The following ERICH2 variants were observed in gnomAD, a reference collection of about 807,000 sequenced individuals.
ERICH2 encodes glutamate-rich protein 2.
ERICH2 carries 17 observed loss-of-function variants against 17.4 expected under a neutral mutation model. The observed-to-expected ratio is 0.98, with a 90% CI of 0.67 to 1.47. The LOEUF (loss-of-function observed/expected upper bound fraction) is 1.47. ERICH2 is among the 40% of genes most tolerant of loss of function. The pLI is 0.00. For synonymous variants in ERICH2, 51 were observed against 61.1 expected (o/e 0.83, Z 0.77); for missense variants, 186 against 183.2 (o/e 1.01, Z -0.09).
chr2:170,785,936 A>G (rs1156914493), intron 2 of ERICH2, among the ~76,000 whole-genome samples: 3 of 152,170 alleles, frequency 2.0e-5, no homozygotes, highest in Non-Finnish European at 4.4e-5. Context: ...TGTATGTTGT[A>G]TAATAGGACA....
chr2:170,773,368 T>TA, the ERICH2 span, among the ~76,000 whole-genome samples: 2 of 152,224 alleles, frequency 1.3e-5, no homozygotes, highest in African/African-American at 4.8e-5. Flanking sequence ...TTCTCACTGT[T>TA]ATAATCTTTG....
At position 170,789,747 on chromosome 2, in the gene ERICH2, CTTCTT is replaced by C. The variant is rs147661287; in HGVS notation, c.217-3108_217-3104del. Reference sequence around the variant, plus strand: ...CAATACAAGGGAAATTGATTCCATACTTCTTTTCTTTTTCTGAGGCTAGTATTAAT... The same window carrying C: ...CAATACAAGGGAAATTGATTCCATACTTCTTTTTCTGAGGCTAGTATTAAT... On this transcript the variant is annotated intron_variant, in intron 2 of 4. Transcript: ENST00000409885. Among the ~76,000 whole-genome samples the C allele has an allele frequency of 2.9e-4, 44 of 152,250 alleles. 1 individual carries two copies. In the East Asian group the frequency reaches 7.3e-3, roughly 25 times the overall value.
chr2:170,772,280 T>C, the ERICH2 span, among the ~76,000 whole-genome samples: 3,795 of 152,304 alleles, frequency 0.025, 154 homozygotes, highest in African/African-American at 0.087. Context: ...GCTTCATTTG[T>C]GACAGTTCAC....
At chr2:170,795,337 A>G (rs1002271022) in intron 3 of ERICH2, among the ~76,000 whole-genome samples, 2 of 149,746 alleles carry the variant, frequency 1.3e-5, no homozygotes, top group African/African-American at 4.9e-5. Context: ...TTTTTATAAA[A>G]ACACTGAAGT....
At chr2:170,798,556 CT>C (rs1462477876) in intron 4 of ERICH2, among the ~76,000 whole-genome samples, 1 of 152,070 alleles carries the variant, frequency 6.6e-6, no homozygotes, top group Non-Finnish European at 1.5e-5. Context: ...TTTTTATAGA[CT>C]TATGTTTTAA....
At chr2:170,774,564 C>CTTTTTTTTTTTTT in the ERICH2 span, among the ~76,000 whole-genome samples, 2 of 98,570 alleles carry the variant, frequency 2.0e-5, no homozygotes, top group African/African-American at 1.1e-4. Context: ...AGAGCCCCAT[C>CTTTTTTTTTTTTT]TTTTTTTTTT....
intron 3 of ERICH2, among the ~76,000 whole-genome samples, chr2:170,795,123 G>A (rs907983668): frequency 3.9e-5 from 6 of 152,006 alleles, no homozygotes; most frequent in African/African-American, 1.4e-4. Flanking sequence ...GGGACTACAG[G>A]TGTGTACCAC....
chr2:170,792,809 T>A, intron 2 of ERICH2, 54 bp from the exon 8 acceptor site: 1 of 1,129,686 alleles, frequency 8.9e-7, no homozygotes, highest in Non-Finnish European at 1.2e-6. Context: ...TTCTAGGGAG[T>A]TTAGAGTTGA....
At position 170,794,780 on chromosome 2, in the gene ERICH2, G is replaced by C. The variant is rs147583604; in HGVS notation, c.274+1860G>C. Among the ~76,000 whole-genome samples, 327 of 152,330 alleles carry C rather than the reference G, an allele frequency of 2.1e-3. 1 individual carries two copies. Among genetic ancestry groups the C allele is most frequent in the African/African-American group, 7.7e-3 (320 of 41,568 alleles). On this transcript the variant is annotated intron_variant, in intron 3 of 4. Transcript: ENST00000409885. ...TGAAAATGTAGCACAAGGATTGAGT[G>C]ACGGTCTGCCCTGGCTTGCCTCACA... is the stretch of plus-strand genomic sequence containing the variant.
the ERICH2 span, chr2:170,777,496 G>A: frequency 9.1e-7 from 1 of 1,096,536 alleles, no homozygotes; most frequent in Non-Finnish European, 1.2e-6. Flanking sequence ...AAGACTATTG[G>A]AATCTTGAGT....
Position 170,796,440 on chromosome 2 carries a change from G to GT in ERICH2, c.275-1588dup, listed in dbSNP as rs370083171. Among the ~76,000 whole-genome samples, 730 of 83,444 alleles carry GT rather than the reference G, an allele frequency of 8.7e-3. 20 individuals carry two copies. The highest frequency in any genetic ancestry group is 0.026 in the African/African-American group (697 of 26,998). The allele number at this position is 83,444 out of a possible 152,430, so 54.7% of individuals were successfully genotyped here. ...TCTCTCTCTCTTTGTTTTTTTTTTT[G>GT]TTTTTTTTTTTTTGAGACAGCGTCT... On this transcript the variant is annotated intron_variant, in intron 3 of 4. Transcript: ENST00000409885.
At chr2:170,786,483 G>T (rs538537627) in intron 2 of ERICH2, among the ~76,000 whole-genome samples, 3 of 151,976 alleles carry the variant, frequency 2.0e-5, no homozygotes, top group Admixed American at 6.5e-5. Flanking sequence ...CCTAGGTGTG[G>T]TTTTCCTCAT....
chr2:170,798,786 T>C, exon 5 of ERICH2: 5 of 1,550,588 alleles, frequency 3.2e-6, no homozygotes, highest in Non-Finnish European at 4.4e-6. Context: ...CTCAGAATCA[T>C]GAGCAAGACG....
intron 4 of ERICH2, 30 bp downstream of exon 9, chr2:170,798,142 C>G: frequency 7.3e-7 from 1 of 1,369,170 alleles, no homozygotes; most frequent in Non-Finnish European, 1.0e-6. Flanking sequence ...TTCCTTGTTT[C>G]TCATAGAACT....
At chr2:170,795,820 C>T (rs1372734635) in intron 3 of ERICH2, among the ~76,000 whole-genome samples, 1 of 152,172 alleles carries the variant, frequency 6.6e-6, no homozygotes, top group African/African-American at 2.4e-5. Context: ...CACACTTCTG[C>T]TCCCAGGCAG....
chr2:170,782,954 C>T (rs1303007386), upstream of ERICH2, among the ~76,000 whole-genome samples: 1 of 151,940 alleles, frequency 6.6e-6, no homozygotes, highest in Non-Finnish European at 1.5e-5. Flanking sequence ...GAAAAATTGC[C>T]AAGCACGCTA....
the ERICH2 span, among the ~76,000 whole-genome samples, chr2:170,774,963 G>A: frequency 6.6e-6 from 1 of 152,076 alleles, no homozygotes; most frequent in Non-Finnish European, 1.5e-5. Context: ...CCTAGCTAAT[G>A]ATAAAGCCAG....
the ERICH2 span, among the ~76,000 whole-genome samples, chr2:170,776,575 G>A: frequency 1.0e-3 from 153 of 152,032 alleles, no homozygotes; most frequent in African/African-American, 3.7e-3. Flanking sequence ...ACGGGGTTTC[G>A]CCATGTTGGT....
upstream of ERICH2, chr2:170,779,948 A>G: frequency 1.9e-6 from 1 of 534,212 alleles, no homozygotes; most frequent in Non-Finnish European, 2.4e-6. Flanking sequence ...TCATTTTATG[A>G]CAAAGTTTAA....
Sources: allele counts gnomAD v4.1 joint callset (sites outside exome capture counted in the v4.1 genomes callset), GRCh38; gene constraint gnomAD v4.1.1; transcripts MANE v1.5; gene names NCBI Gene and HGNC (gene_info 2026-07-23, HGNC 2026-07-21).